TOM1L2: variants seen among roughly 807,000 people sequenced by gnomAD.
TOM1L2 encodes the protein TOM1-like protein 2.
In TOM1L2, 31 loss-of-function variants were observed where a neutral mutation model predicts 67.9. The observed-to-expected ratio is 0.46, with a 90% confidence interval of 0.34 to 0.62. The LOEUF (loss-of-function observed/expected upper bound fraction) is 0.62. TOM1L2 is among the 20% of genes least tolerant of loss of function. TOM1L2 has a pLI of 0.01. For synonymous variants in TOM1L2, 256 were observed against 254.0 expected (o/e 1.01, Z -0.07); for missense variants, 606 against 663.5 (o/e 0.91, Z 0.95).
At chr17:17,857,918 C>T in intron 12 of TOM1L2, 5 of 1,425,342 alleles carry the variant, frequency 3.5e-6, no homozygotes, top group South Asian at 2.4e-5. Flanking sequence ...ATTGTGGAAA[C>T]AGAAAAGTCA....
At chr17:17,933,919 A>G (rs1361475289) in intron 1 of TOM1L2, among the ~76,000 whole-genome samples, 1 of 152,110 alleles carries the variant, frequency 6.6e-6, no homozygotes, top group Non-Finnish European at 1.5e-5. Context: ...GGCCCAAAAC[A>G]TGGCTGAAGC....
chr17:17,911,106 G>C (rs2039328749), intron 1 of TOM1L2, among the ~76,000 whole-genome samples: 1 of 152,222 alleles, frequency 6.6e-6, no homozygotes, highest in African/African-American at 2.4e-5. Flanking sequence ...GAGAACATAG[G>C]AGGGTGGGTG....
At chr17:17,950,091 G>C (rs1221810985) in intron 1 of TOM1L2, among the ~76,000 whole-genome samples, 2 of 151,992 alleles carry the variant, frequency 1.3e-5, no homozygotes, top group Non-Finnish European at 2.9e-5. Context: ...TCGATCTCCT[G>C]ACCTCGTGAT....
At position 17,927,097 on chromosome 17, in the gene TOM1L2, CAG is replaced by C. The variant is rs201756024; in HGVS notation, c.53-19568_53-19567del. ...ACATGCAAATAAGATCAAAATCCAACAGGGAATAGGCATTTTCCTAGCTTTTC... is the reference window on the plus strand; with the variant it reads ...ACATGCAAATAAGATCAAAATCCAACGGAATAGGCATTTTCCTAGCTTTTC... On this transcript the variant is annotated intron_variant, in intron 1 of 14. Coordinates refer to ENST00000379504, the MANE Select transcript of TOM1L2 (RefSeq NM_001082968.2). 7.4e-3 allele frequency among the ~76,000 whole-genome samples: 1,127 copies of C among 152,284 alleles called. 17 individuals are homozygous for C. Among genetic ancestry groups the C allele is most frequent in the African/African-American group, 0.025 (1,034 of 41,556 alleles).
rs75620030 is a variant in TOM1L2 at position 17,876,510 on chromosome 17, G to A, written c.777+3117C>T. Among the ~76,000 whole-genome samples the A allele has an allele frequency of 7.6e-3, 1,152 of 152,316 alleles. 15 individuals carry two copies. Among genetic ancestry groups the A allele is most frequent in the African/African-American group, 0.027 (1,107 of 41,568 alleles). On this transcript the variant is annotated intron_variant, in intron 7 of 14. Transcript: ENST00000379504. ...AAAGAGGAATTAGTCTTGTTCTAGT[G>A]TCTAAGAAGACAGACCAGGATCAAA...
chr17:17,852,908 G>A (rs1461322540), intron 12 of TOM1L2, among the ~76,000 whole-genome samples: 3 of 147,116 alleles, frequency 2.0e-5, no homozygotes, highest in Non-Finnish European at 3.0e-5. Context: ...GAATTGAAAA[G>A]GTATCAGGGA....
At chr17:17,880,424 C>T (rs1170237664) in intron 6 of TOM1L2, among the ~76,000 whole-genome samples, 1 of 152,262 alleles carries the variant, frequency 6.6e-6, no homozygotes, top group Non-Finnish European at 1.5e-5. Context: ...TCCTCTCCAG[C>T]AACAGAGACA....
At position 17,848,806 on chromosome 17, in the gene TOM1L2, C is replaced by T. The variant is rs2035798811; in HGVS notation, c.1375+17G>A. ...AGGCAACAAAAGGGGGCTGTAAGGC[C>T]ACTGGCCAGGCCATACCTTCACTTG... On this transcript the variant is annotated intron_variant, in intron 14 of 14. Transcript: ENST00000379504. The T allele has an allele frequency of 6.2e-7, 1 of 1,613,980 alleles. No individual in the cohort carries two copies. The highest frequency in any genetic ancestry group is 8.5e-7 in the Non-Finnish European group (1 of 1,179,954).
chr17:17,867,009 T>C (rs1598215049), intron 8 of TOM1L2, 85 bp from the exon 9 acceptor site: 26 of 1,330,592 alleles, frequency 2.0e-5, no homozygotes, highest in Admixed American at 5.2e-5. Context: ...CTATGAAGAA[T>C]CCCTGGGACC....
At position 17,900,620 on chromosome 17, in the gene TOM1L2, T is replaced by C. The variant is rs149637738; in HGVS notation, c.138-1946A>G. The stretch of plus-strand genomic sequence containing the variant: ...AACACCCTGAATCACCTGTTTCCCA[T>C]TCCCAGCTTGACATATGGCTGCCCT... On this transcript the variant is annotated intron_variant, in intron 2 of 14. Transcript: ENST00000379504. 5.9e-5 allele frequency among the ~76,000 whole-genome samples: 9 copies of C among 152,186 alleles called. 1 individual carries two copies. The East Asian group carries it at 1.7e-3, about 29-fold the overall frequency.
intron 12 of TOM1L2, among the ~76,000 whole-genome samples, chr17:17,855,797 T>C (rs1364037078): frequency 1.5e-4 from 23 of 152,188 alleles, no homozygotes. Context: ...TCCCTTCCTA[T>C]GTCACTTCAA....
intron 1 of TOM1L2, among the ~76,000 whole-genome samples, chr17:17,929,580 G>A (rs188333342): frequency 1.1e-4 from 16 of 152,136 alleles, no homozygotes; most frequent in Non-Finnish European, 1.9e-4. Context: ...GTGGTGAGCC[G>A]AGATCGCACC....
chr17:17,949,941 A>G (rs1312632249), intron 1 of TOM1L2, among the ~76,000 whole-genome samples: 1 of 151,796 alleles, frequency 6.6e-6, no homozygotes, highest in Non-Finnish European at 1.5e-5. Context: ...CACAATCTCA[A>G]CTCACTGCAA....
At chr17:17,880,569 T>A (rs2037671355) in intron 6 of TOM1L2, among the ~76,000 whole-genome samples, 1 of 152,182 alleles carries the variant, frequency 6.6e-6, no homozygotes. Flanking sequence ...AGAATCTGCA[T>A]AGAGGTGGCT....
At chr17:17,971,980 C>A (rs1184393158) in intron 1 of TOM1L2, among the ~76,000 whole-genome samples, 3 of 150,992 alleles carry the variant, frequency 2.0e-5, no homozygotes, top group African/African-American at 4.9e-5. Context: ...CGGCGCCCGG[C>A]GAACGCCCGA....
intron 8 of TOM1L2, 59 bp from the exon 9 acceptor site, chr17:17,866,983 G>T: frequency 1.3e-6 from 2 of 1,539,252 alleles, no homozygotes; most frequent in Non-Finnish European, 1.8e-6. Context: ...ATGGCCCTGT[G>T]GGGTGCTCAC....
At chr17:17,933,474 A>G (rs892869807) in intron 1 of TOM1L2, among the ~76,000 whole-genome samples, 1 of 152,088 alleles carries the variant, frequency 6.6e-6, no homozygotes, top group Non-Finnish European at 1.5e-5. Context: ...AGCCTGTGGA[A>G]CAGTGTCTAC....
At chr17:17,871,287 C>A (rs923608585) in intron 7 of TOM1L2, among the ~76,000 whole-genome samples, 3 of 152,128 alleles carry the variant, frequency 2.0e-5, no homozygotes, top group Admixed American at 6.6e-5. Flanking sequence ...AGGAGAATGG[C>A]GTGAACCCAG....
At chr17:17,915,814 G>A (rs556768440) in intron 1 of TOM1L2, among the ~76,000 whole-genome samples, 1 of 149,968 alleles carries the variant, frequency 6.7e-6, no homozygotes, top group East Asian at 2.0e-4. Context: ...GAGCCACAAT[G>A]CTTGGCTCCA....
Sources: gnomAD v4.1 joint callset for allele counts (sites outside exome capture counted in the v4.1 genomes callset) on GRCh38, gnomAD v4.1.1 for gene constraint, MANE v1.5 for transcripts, NCBI Gene and HGNC (gene_info 2026-07-23, HGNC 2026-07-21) for gene names.